Variants in DKK4 observed in about 807,000 individuals in gnomAD.
The protein encoded by DKK4 is dickkopf Wnt signaling pathway inhibitor 4.
Under a neutral mutation model 14.5 loss-of-function variants are expected in DKK4, and 15 were observed. The observed-to-expected ratio is 1.03, with a 90% CI of 0.69 to 1.59. The LOEUF (loss-of-function observed/expected upper bound fraction) is 1.59. Among genes scored for constraint, DKK4 ranks in the 40% most tolerant of loss-of-function variants. The pLI, the probability that DKK4 is intolerant of heterozygous loss-of-function variation, is 0.00. For missense variants in DKK4, 272 were observed against 280.3 expected (o/e 0.97, Z 0.21); for synonymous variants, 89 against 105.2 (o/e 0.85, Z 0.94).
intron 1 of DKK4, 55 bp from the exon 2 acceptor site, chr8:42,375,885 T>C (rs1055631612): frequency 2.7e-5 from 43 of 1,592,076 alleles, no homozygotes; most frequent in Non-Finnish European, 3.6e-5. Context: ...CGATGGAAGA[T>C]GACTTATTAT....
chr8:42,380,504 GAAGAA>G (rs146069182), upstream of DKK4, among the ~76,000 whole-genome samples: 29,789 of 137,584 alleles, frequency 0.22, 6,483 homozygotes, highest in African/African-American at 0.57. Context: ...AGAAAGGAAG[GAAGAA>G]AAGAAAAGAA....
chr8:42,389,678 A>G, the DKK4 span, among the ~76,000 whole-genome samples: 1 of 152,146 alleles, frequency 6.6e-6, no homozygotes, highest in Non-Finnish European at 1.5e-5. Flanking sequence ...AAAATTTTAA[A>G]CTCAGTGGAA....
At chr8:42,383,949 G>GA in the DKK4 span, among the ~76,000 whole-genome samples, 6 of 152,058 alleles carry the variant, frequency 3.9e-5, no homozygotes, top group South Asian at 8.3e-4. Context: ...TCTCAAAAAA[G>GA]AAAAAACAAT....
the DKK4 span, among the ~76,000 whole-genome samples, chr8:42,385,349 G>A: frequency 3.3e-5 from 5 of 152,130 alleles, no homozygotes; most frequent in Non-Finnish European, 5.9e-5. Flanking sequence ...CTGAGATGGC[G>A]CTGCTGCACT....
upstream of DKK4, chr8:42,377,245 C>T: frequency 1.8e-6 from 1 of 561,346 alleles, no homozygotes; most frequent in Non-Finnish European, 3.2e-6. Context: ...GCAGGTTCCT[C>T]CTGAAACTAT....
At chr8:42,387,152 AG>A in the DKK4 span, among the ~76,000 whole-genome samples, 1 of 152,106 alleles carries the variant, frequency 6.6e-6, no homozygotes, top group Non-Finnish European at 1.5e-5. Context: ...AGGCATTGAG[AG>A]TCCCTTCCCA....
the DKK4 span, among the ~76,000 whole-genome samples, chr8:42,391,050 T>C: frequency 6.6e-6 from 1 of 152,324 alleles, no homozygotes; most frequent in African/African-American, 2.4e-5. Flanking sequence ...CCTTTATTAG[T>C]TGGTCTTCTC....
At chr8:42,388,955 T>C in the DKK4 span, among the ~76,000 whole-genome samples, 1 of 152,150 alleles carries the variant, frequency 6.6e-6, no homozygotes, top group African/African-American at 2.4e-5. Flanking sequence ...TATTTGTTTG[T>C]TTTTGGAGAT....
chr8:42,387,431 C>T, the DKK4 span, among the ~76,000 whole-genome samples: 5 of 131,224 alleles, frequency 3.8e-5, no homozygotes, highest in African/African-American at 1.4e-4. Context: ...GATCTCTGCT[C>T]AATGCAATCA....
At chr8:42,379,271 A>C (rs1231115008), upstream of DKK4, among the ~76,000 whole-genome samples, 1 of 145,434 alleles carries the variant, frequency 6.9e-6, no homozygotes, top group East Asian at 2.0e-4. Context: ...AAAATTAGCC[A>C]GTCATAGTGG....
chr8:42,376,848 A>G (rs1824573413), intron 1 of DKK4, 87 bp downstream of exon 1: 4 of 1,091,984 alleles, frequency 3.7e-6, no homozygotes, highest in African/African-American at 3.1e-5. Flanking sequence ...CATTTCATAC[A>G]TGAATCAGAA....
upstream of DKK4, among the ~76,000 whole-genome samples, chr8:42,380,804 A>AAAGG (rs71221208): frequency 1.3e-3 from 173 of 138,240 alleles, 2 homozygotes; most frequent in Middle Eastern, 3.9e-3. Context: ...AAGAAAAAGA[A>AAAGG]AAGGAAGGAA....
At chr8:42,386,816 T>C in the DKK4 span, among the ~76,000 whole-genome samples, 1 of 152,158 alleles carries the variant, frequency 6.6e-6, no homozygotes, top group African/African-American at 2.4e-5. Context: ...GAAACGGAAT[T>C]GAACTACACA....
chr8:42,374,451 T>C, intron 3 of DKK4, 92 bp from the exon 4 acceptor site: 1 of 1,515,572 alleles, frequency 6.6e-7, no homozygotes, highest in South Asian at 1.2e-5. Flanking sequence ...GACCTATGAC[T>C]GACAGCCACA....
the DKK4 span, among the ~76,000 whole-genome samples, chr8:42,389,962 G>C: frequency 4.0e-5 from 6 of 148,390 alleles, no homozygotes; most frequent in African/African-American, 1.6e-4. Flanking sequence ...CACGATCTTG[G>C]CTCACTGCAA....
At chr8:42,388,537 C>CTTTCT in the DKK4 span, among the ~76,000 whole-genome samples, 1 of 151,308 alleles carries the variant, frequency 6.6e-6, no homozygotes, top group Non-Finnish European at 1.5e-5. Flanking sequence ...GTCTAAACTC[C>CTTTCT]TTTCTTTTCT....
chr8:42,379,788 T>G (rs1824638139), upstream of DKK4, among the ~76,000 whole-genome samples: 1 of 151,948 alleles, frequency 6.6e-6, no homozygotes, highest in Admixed American at 6.6e-5. Flanking sequence ...AGTGAGAGAT[T>G]GTGTGGCTGC....
At chr8:42,382,216 G>A (rs1824691718), upstream of DKK4, among the ~76,000 whole-genome samples, 1 of 152,178 alleles carries the variant, frequency 6.6e-6, no homozygotes, top group Non-Finnish European at 1.5e-5. Context: ...GAGCAATTTT[G>A]GAGGAAAGTA....
the DKK4 span, among the ~76,000 whole-genome samples, chr8:42,390,358 CTTTTTTT>C: frequency 1.0e-5 from 1 of 99,478 alleles, no homozygotes; most frequent in South Asian, 3.6e-4. Flanking sequence ...CTTTTGCTTC[CTTTTTTT>C]TTTTTTTTTT....
Sources: gnomAD v4.1 joint callset for allele counts (sites outside exome capture counted in the v4.1 genomes callset) on GRCh38, gnomAD v4.1.1 for gene constraint, MANE v1.5 for transcripts, NCBI Gene and HGNC (gene_info 2026-07-23, HGNC 2026-07-21) for gene names.